Variants in MEI4 observed in about 807,000 individuals in gnomAD.
MEI4 encodes meiosis-specific protein MEI4.
In MEI4, 27 loss-of-function variants were observed where a neutral mutation model predicts 31.4. That is an observed-to-expected ratio of 0.86 (90% CI 0.63 to 1.19). The LOEUF is 1.19. Ranked by LOEUF, MEI4 falls within the 50% of genes most tolerant of loss-of-function variation. MEI4 has a pLI of 0.00. For missense variants in MEI4, 329 were observed against 398.9 expected, an observed-to-expected ratio of 0.82 and a Z score of 1.49; for synonymous variants, 122 against 145.4, an observed-to-expected ratio of 0.84 and a Z score of 1.16.
At chr6:77,676,410 C>G (rs1362843181) in intron 1 of MEI4, among the ~76,000 whole-genome samples, 1 of 151,964 alleles carries the variant, frequency 6.6e-6, no homozygotes, top group Non-Finnish European at 1.5e-5. Context: ...GCCTGTAGTT[C>G]TAGCTACTGG....
At chr6:77,689,507 G>A (rs1045543250) in intron 1 of MEI4, among the ~76,000 whole-genome samples, 1 of 151,892 alleles carries the variant, frequency 6.6e-6, no homozygotes, top group South Asian at 2.1e-4. Context: ...GTTACACATC[G>A]CTGTGGGTGG....
At chr6:77,801,920 A>G (rs9448224) in intron 3 of MEI4, among the ~76,000 whole-genome samples, 83,625 of 151,506 alleles carry the variant, frequency 0.55, 25,198 homozygotes, top group African/African-American at 0.79. Context: ...TGGAATATGT[A>G]TGGTGCTGAA....
intron 1 of MEI4, among the ~76,000 whole-genome samples, chr6:77,656,534 C>A (rs1473898033): frequency 1.3e-5 from 2 of 152,084 alleles, no homozygotes; most frequent in African/African-American, 4.8e-5. Context: ...TCTATCTTCA[C>A]AGTAGATTAA....
rs1409739667 is a variant in MEI4, at chr6:77,754,063, A to C, written c.233-7067A>C. On this transcript the variant is annotated intron_variant, in intron 2 of 4. Coordinates refer to ENST00000684080, the MANE Select transcript of MEI4 (RefSeq NM_001322247.2). ...GGAGTTGAACAATGAAAGCACATGG[A>C]CACAGGGAGGGGAACATCACACACC... Among the ~76,000 whole-genome samples, 4 of 152,058 alleles carry C rather than the reference A, an allele frequency of 2.6e-5. 1 individual carries two copies. The highest frequency in any genetic ancestry group is 9.7e-5 in the African/African-American group (4 of 41,412).
At chr6:77,740,844 C>T (rs1767382213) in intron 2 of MEI4, among the ~76,000 whole-genome samples, 2 of 151,678 alleles carry the variant, frequency 1.3e-5, no homozygotes, top group Non-Finnish European at 2.9e-5. Context: ...TGAATTCAGA[C>T]CACCAATTAT....
intron 1 of MEI4, among the ~76,000 whole-genome samples, chr6:77,683,000 T>A (rs1768985568): frequency 6.6e-6 from 1 of 152,206 alleles, no homozygotes; most frequent in Non-Finnish European, 1.5e-5. Context: ...TGAAAGCCCT[T>A]TAAAATTTCG....
intron 2 of MEI4, 105 bp from the exon 3 acceptor site, chr6:77,761,025 A>T: frequency 1.3e-6 from 1 of 762,542 alleles, no homozygotes; most frequent in African/African-American, 1.8e-5. Flanking sequence ...CTTAATGTGT[A>T]TTTATATACT....
At chr6:77,835,394 ACACACACAC>A (rs1770191418) in intron 4 of MEI4, among the ~76,000 whole-genome samples, 2 of 137,356 alleles carry the variant, frequency 1.5e-5, no homozygotes, top group Admixed American at 7.3e-5. Flanking sequence ...ACACACACAC[ACACACACAC>A]AAATAAAAAA....
chr6:77,912,413 A>G (rs1766453792), intron 4 of MEI4, among the ~76,000 whole-genome samples: 1 of 152,014 alleles, frequency 6.6e-6, no homozygotes, highest in Non-Finnish European at 1.5e-5. Context: ...TTAGAGTAAT[A>G]TGATCATTTC....
intron 3 of MEI4, among the ~76,000 whole-genome samples, chr6:77,779,015 C>T (rs1469349385): frequency 1.3e-5 from 2 of 151,994 alleles, no homozygotes; most frequent in Non-Finnish European, 2.9e-5. Context: ...CAATATGGAG[C>T]TTAAAGGAAA....
intron 4 of MEI4, among the ~76,000 whole-genome samples, chr6:77,851,937 G>A (rs1388164138): frequency 6.6e-6 from 1 of 151,842 alleles, no homozygotes; most frequent in Non-Finnish European, 1.5e-5. Context: ...AATGAGTCTG[G>A]GAAATCATTT....
At chr6:77,666,182 G>A (rs1461508269) in intron 1 of MEI4, among the ~76,000 whole-genome samples, 1 of 152,076 alleles carries the variant, frequency 6.6e-6, no homozygotes, top group Admixed American at 6.6e-5. Context: ...TTGCGGGCAG[G>A]GGGTGGGTCT....
intron 1 of MEI4, among the ~76,000 whole-genome samples, chr6:77,668,292 T>G (rs1328619896): frequency 1.3e-5 from 2 of 152,186 alleles, no homozygotes; most frequent in East Asian, 3.9e-4. Context: ...ATTATACTCT[T>G]TTGCCTTCTA....
Position 77,678,057 on chromosome 6 carries a change from G to C in MEI4, c.-14-12601G>C, listed in dbSNP as rs73457432. 8.1e-3 allele frequency among the ~76,000 whole-genome samples: 1,227 copies of C among 152,208 alleles called. 14 individuals are homozygous for C. Among genetic ancestry groups the C allele is most frequent in the African/African-American group, 0.027 (1,111 of 41,514 alleles). On this transcript the variant is annotated intron_variant, in intron 1 of 4. Transcript: ENST00000684080. The stretch of plus-strand genomic sequence containing the variant: ...AAACAATTGATTTTAATTGATTACC[G>C]TGGAGCTGAACTTAACACGCTGATA...
At chr6:77,699,946 C>G (rs185643761) in intron 2 of MEI4, among the ~76,000 whole-genome samples, 2 of 152,112 alleles carry the variant, frequency 1.3e-5, no homozygotes, top group South Asian at 4.1e-4. Flanking sequence ...TGCCTGATCG[C>G]TCCTCTGGAA....
At chr6:77,909,135 G>T (rs572144031) in intron 4 of MEI4, among the ~76,000 whole-genome samples, 1 of 152,178 alleles carries the variant, frequency 6.6e-6, no homozygotes, top group African/African-American at 2.4e-5. Context: ...TAAAAGAACA[G>T]AAATTATAAT....
intron 4 of MEI4, among the ~76,000 whole-genome samples, chr6:77,837,526 A>G (rs554622222): frequency 4.3e-4 from 66 of 152,316 alleles, no homozygotes; most frequent in African/African-American, 1.6e-3. Flanking sequence ...ACTTATAGCC[A>G]TGTATCAGGA....
chr6:77,780,549 G>C (rs1255681235), intron 3 of MEI4, among the ~76,000 whole-genome samples: 2 of 152,132 alleles, frequency 1.3e-5, no homozygotes, highest in African/African-American at 4.8e-5. Context: ...CTGCAGGTCA[G>C]ACCCTGGCAA....
At chr6:77,728,666 C>A (rs1766889317) in intron 2 of MEI4, among the ~76,000 whole-genome samples, 1 of 152,142 alleles carries the variant, frequency 6.6e-6, no homozygotes, top group Non-Finnish European at 1.5e-5. Flanking sequence ...AGCCTTTATT[C>A]AGAAGGGAAT....
Sources: allele counts gnomAD v4.1 joint callset (sites outside exome capture counted in the v4.1 genomes callset), GRCh38; gene constraint gnomAD v4.1.1; transcripts MANE v1.5; gene names NCBI Gene and HGNC (gene_info 2026-07-23, HGNC 2026-07-21).